Variants in CD320 observed in about 807,000 individuals in gnomAD.
The protein encoded by CD320 is CD320 molecule.
CD320 carries 16 observed loss-of-function variants against 22.1 expected under a neutral mutation model. That is an observed-to-expected ratio of 0.73 (90% CI 0.49 to 1.10). The LOEUF is 1.10. Among genes scored for constraint, CD320 ranks in the 50% least tolerant of loss-of-function variants. The pLI is 0.00. For missense variants in CD320, 388 were observed against 376.9 expected, an observed-to-expected ratio of 1.03 and a Z score of -0.24; for synonymous variants, 188 against 167.8, an observed-to-expected ratio of 1.12 and a Z score of -0.93.
chr19:8,305,804 A>T (rs1428057045), intron 1 of CD320: 4 of 152,892 alleles, frequency 2.6e-5, no homozygotes, highest in Non-Finnish European at 5.8e-5. Flanking sequence ...TAGCGAGATG[A>T]TCTGCCAGGG....
chr19:8,302,792 C>A lies in CD320; in HGVS notation c.691G>T (p.Val231Phe), dbSNP rs1464256614. 2 of 1,614,044 alleles carry A rather than the reference C, an allele frequency of 1.2e-6. No individual in the cohort carries two copies. The highest frequency in any genetic ancestry group is 2.2e-5 in the South Asian group (2 of 91,090). Reference protein sequence around the residue: ...DQSGSPTAYGVIAAAAVLSAS... With the variant: ...DQSGSPTAYGFIAAAAVLSAS... Reference sequence around the variant, plus strand: ...TCCCTCTTACCAGCAGCTGCAATAACCCCATAGGCAGTTGGGCTTCCAGAC... The same window carrying A: ...TCCCTCTTACCAGCAGCTGCAATAAACCCATAGGCAGTTGGGCTTCCAGAC... The change falls in exon 4 of 5, where the codon GTT becomes TTT. Residue 231 changes from valine to phenylalanine, a missense_variant. Physicochemically the swap from Val to Phe is conservative, Grantham distance 50. Transcript: ENST00000301458.
chr19:8,304,684 T>G, intron 2 of CD320: 1 of 202,070 alleles, frequency 4.9e-6, no homozygotes, highest in Non-Finnish European at 9.2e-6. Context: ...TTTCTTTCAT[T>G]TTTCTTTTTT....
In CD320 at chr19:8,304,024, G is replaced by T. The variant is rs540057476; in HGVS notation, c.333C>A (p.Thr111=). The change falls in exon 3 of 5, where the codon ACC becomes ACA. Residue 111 remains threonine, a synonymous_variant. Transcript: ENST00000301458. ...PPPPGLPCPC[T]GVSDCSGGTD... is the part of the protein sequence containing the mutation. ...TTCCCCCAGAGCAGTCACTGACGCC[G>T]GTGCAGGGGCAGGGGAGGCCAGGGG... 6.4e-7 allele frequency: 1 copy of T among 1,564,872 alleles called. No homozygotes were observed. Among genetic ancestry groups the T allele is most frequent in the South Asian group, 1.2e-5 (1 of 85,342 alleles).
At chr19:8,303,054 G>T in intron 3 of CD320, 74 bp from the exon 4 acceptor site, 1 of 1,318,356 alleles carries the variant, frequency 7.6e-7, no homozygotes, top group Non-Finnish European at 1.1e-6. Context: ...GCCCAGGGGA[G>T]CCCTTGGGGT....
At position 8,302,799 on chromosome 19, in the gene CD320, G is replaced by A; in HGVS notation, c.684C>T (p.Ala228=). Residue 228 remains alanine, a synonymous_variant, in exon 4 of 5, where the codon GCC becomes GCT. Transcript: ENST00000301458. ...SAGDQSGSPT[A]YGVIAAAAVL... is the part of the protein sequence containing the mutation. ...TACCAGCAGCTGCAATAACCCCATA[G>A]GCAGTTGGGCTTCCAGACTGGTCTC... 1.2e-6 allele frequency: 2 copies of A among 1,614,154 alleles called. No homozygotes were observed. The highest frequency in any genetic ancestry group is 1.7e-5 in the Admixed American group (1 of 60,004).
At chr19:8,305,234 GA>G in intron 1 of CD320, 78 bp from the exon 2 acceptor site, 2 of 1,525,004 alleles carry the variant, frequency 1.3e-6, no homozygotes, top group Non-Finnish European at 1.8e-6. Context: ...CACTGGCTGT[GA>G]TCCGCAGGAG....
At chr19:8,306,452 G>A (rs754823769) in intron 1 of CD320, among the ~76,000 whole-genome samples, 15 of 152,208 alleles carry the variant, frequency 9.9e-5, no homozygotes, top group African/African-American at 2.4e-5. Context: ...GGAGGGGCAC[G>A]GAGGGGCCCG....
At chr19:8,302,640 G>C (rs755420015) in intron 4 of CD320, 35 bp from the exon 5 acceptor site, 18 of 1,609,888 alleles carry the variant, frequency 1.1e-5, no homozygotes, top group Admixed American at 8.4e-5. Flanking sequence ...AGTAAGGAGG[G>C]GGAAGGCAAG....
chr19:8,307,342 A>C (rs199664721), intron 1 of CD320, among the ~76,000 whole-genome samples: 75 of 76,688 alleles, frequency 9.8e-4, no homozygotes, highest in East Asian at 4.7e-3. Flanking sequence ...TCCTTAAAAA[A>C]AAACAAACAA....
intron 1 of CD320, among the ~76,000 whole-genome samples, chr19:8,306,084 G>T (rs1163014037): frequency 6.6e-6 from 1 of 152,070 alleles, no homozygotes; most frequent in Non-Finnish European, 1.5e-5. Context: ...CCAGGCCCCA[G>T]GCCCCAAGGT....
intron 1 of CD320, among the ~76,000 whole-genome samples, chr19:8,307,917 G>A (rs1195075811): frequency 6.6e-6 from 1 of 152,138 alleles, no homozygotes; most frequent in Non-Finnish European, 1.5e-5. Context: ...GGTGTGCAGG[G>A]CCGGAGCAAA....
intron 1 of CD320, among the ~76,000 whole-genome samples, chr19:8,307,802 C>G (rs1970115216): frequency 6.6e-6 from 1 of 152,144 alleles, no homozygotes; most frequent in South Asian, 2.1e-4. Context: ...GCGTGATTAG[C>G]GGTCGGACAA....
Position 8,302,277 on chromosome 19 carries a change from T to C in CD320, c.*186A>G, listed in dbSNP as rs369111473. ...CCCATCCTAGCTCCCCGGATCTCCA[T>C]AGGGAGTGTCCAGGGACCCTCAATC... On this transcript the variant is annotated 3_prime_UTR_variant, in exon 5 of 5. Coordinates refer to ENST00000301458, the MANE Select transcript of CD320 (RefSeq NM_016579.4). The C allele has an allele frequency of 1.3e-4, 96 of 759,764 alleles. No individual in the cohort carries two copies. The highest frequency in any genetic ancestry group is 7.4e-4 in the African/African-American group (43 of 58,418). 47.1% of individuals were successfully genotyped at this position (759,764 alleles called of 1,614,324 possible).
intron 4 of CD320, 57 bp downstream of exon 4, chr19:8,302,720 C>T: frequency 6.2e-7 from 1 of 1,608,098 alleles, no homozygotes; most frequent in Non-Finnish European, 8.5e-7. Context: ...CCCCACCCAC[C>T]TCCCCTGAAT....
rs146218039 is a variant in CD320, at chr19:8,303,919, A to T, written c.438T>A (p.Ile146=). The change falls in exon 3 of 5, where the codon ATT becomes ATA. Residue 146 remains isoleucine, a synonymous_variant. Transcript: ENST00000301458. ...ELRCTLSDDC[I]PLTWRCDGHP... ...GGCCGTCGCAGCGCCACGTGAGTGG[A>T]ATGCAGTCATCGCTCAGCGTGCAAC... 6.2e-7 allele frequency: 1 copy of T among 1,605,566 alleles called. No individual in the cohort carries two copies. The highest frequency in any genetic ancestry group is 1.7e-5 in the Admixed American group (1 of 58,876).
At chr19:8,307,477 G>A (rs950204195) in intron 1 of CD320, among the ~76,000 whole-genome samples, 1 of 152,146 alleles carries the variant, frequency 6.6e-6, no homozygotes, top group Non-Finnish European at 1.5e-5. Flanking sequence ...CTGCAAGTTG[G>A]GAGTGCCTGA....
chr19:8,306,945 C>T (rs1970097076), intron 1 of CD320, among the ~76,000 whole-genome samples: 1 of 152,120 alleles, frequency 6.6e-6, no homozygotes, highest in Non-Finnish European at 1.5e-5. Context: ...CTCTCCTGGC[C>T]TCAGTTTCCT....
At position 8,307,985 on chromosome 19, in the gene CD320, G is replaced by A. The variant is rs114689706; in HGVS notation, c.142+164C>T. Among the ~76,000 whole-genome samples, 2,419 of 152,322 alleles carry A rather than the reference G, an allele frequency of 0.016. 66 individuals carry two copies. Among genetic ancestry groups the A allele is most frequent in the African/African-American group, 0.056 (2,330 of 41,566 alleles). On this transcript the variant is annotated intron_variant, in intron 1 of 4. Transcript: ENST00000301458. ...CCTCCCCCAGCATGGGGTCTTCCTA[G>A]CACCAGTGCGCGCCTTCCCACAAGC...
rs1455009535 is a variant in CD320 at position 8,302,160 on chromosome 19, G to A, written c.*303C>T. On this transcript the variant is annotated 3_prime_UTR_variant, in exon 5 of 5. Transcript: ENST00000301458. ...GAAGCAACTTTAATTGCCACCCTCA[G>A]ACGGGGCAGCAGGAGTGTCTTAAGC... 2 of 558,392 alleles carry A rather than the reference G, an allele frequency of 3.6e-6. No individual in the cohort carries two copies. The highest frequency in any genetic ancestry group is 2.2e-5 in the Admixed American group (1 of 44,818). The allele number at this position is 558,392 out of a possible 1,614,324, so 34.6% of individuals were successfully genotyped here. A position where few individuals can be genotyped will look rare whatever the true frequency, so the allele number is the denominator to read the frequency against.
Sources: gnomAD v4.1 joint callset for allele counts (sites outside exome capture counted in the v4.1 genomes callset) on GRCh38, gnomAD v4.1.1 for gene constraint, MANE v1.5 for transcripts, NCBI Gene and HGNC (gene_info 2026-07-23, HGNC 2026-07-21) for gene names.